Variants in IL27RA observed in about 807,000 individuals in gnomAD.
IL27RA encodes interleukin 27 receptor subunit alpha, also known as interleukin-27 receptor subunit alpha.
A neutral mutation model predicts 80.8 loss-of-function variants in IL27RA; 61 were observed. That is an observed-to-expected ratio of 0.76 (90% CI 0.61 to 0.93). The LOEUF is 0.93. Among genes scored for constraint, IL27RA ranks in the 40% least tolerant of loss-of-function variants. The pLI is 0.00. For synonymous variants in IL27RA, 316 were observed against 332.5 expected (o/e 0.95, Z 0.54); for missense variants, 735 against 808.1 (o/e 0.91, Z 1.10).
At chr19:14,039,481 A>G (rs199757563) in intron 2 of IL27RA, 27 bp from the exon 3 acceptor site, 116 of 1,595,062 alleles carry the variant, frequency 7.3e-5, no homozygotes, top group Admixed American at 1.7e-5. Context: ...CCGAGTGTGC[A>G]TCTCATCCCC....
rs1305193254 is a variant in IL27RA at position 14,053,038 on chromosome 19, G to C, written c.*748G>C. 1 of 152,286 alleles carries C rather than the reference G, an allele frequency of 6.6e-6. No individual in the cohort carries two copies. Among genetic ancestry groups the C allele is most frequent in the African/African-American group, 2.4e-5 (1 of 41,434 alleles). The allele number at this position is 152,286 out of a possible 1,614,324, so 9.4% of individuals were successfully genotyped here. On this transcript the variant is annotated 3_prime_UTR_variant, in exon 14 of 14. Coordinates refer to ENST00000263379, the MANE Select transcript of IL27RA (RefSeq NM_004843.4). ...AGTGACATATGCCAACACGGGGTCTGGGTGGGGGCTCCCCCACATCCTTTC... is the reference window on the plus strand; with the variant it reads ...AGTGACATATGCCAACACGGGGTCTCGGTGGGGGCTCCCCCACATCCTTTC...
At chr19:14,043,166 C>T (rs76944653) in intron 6 of IL27RA, among the ~76,000 whole-genome samples, 170 of 151,966 alleles carry the variant, frequency 1.1e-3, no homozygotes, top group Non-Finnish European at 2.1e-3. Flanking sequence ...AAACAAAACC[C>T]AATGACATAA....
At chr19:14,044,775 C>A (rs1409064265) in intron 6 of IL27RA, among the ~76,000 whole-genome samples, 1 of 151,520 alleles carries the variant, frequency 6.6e-6, no homozygotes, top group East Asian at 1.9e-4. Flanking sequence ...CACTTGAGGC[C>A]AGGAGTTCGA....
rs566677521 is a variant in IL27RA at position 14,035,045 on chromosome 19, A to AG, written c.218+2543dup. On this transcript the variant is annotated intron_variant, in intron 2 of 13. Transcript: ENST00000263379. ...GTCTTACTCCTGTTGCCCAGGCTGG[A>AG]GTGCAGTGGGGCAGTCAGTTCACTG... 1.6e-3 allele frequency among the ~76,000 whole-genome samples: 245 copies of AG among 151,778 alleles called. 1 individual carries two copies. Among genetic ancestry groups the AG allele is most frequent in the Admixed American group, 5.5e-3 (84 of 15,212 alleles).
intron 8 of IL27RA, among the ~76,000 whole-genome samples, chr19:14,047,096 T>G (rs1599302590): frequency 6.6e-6 from 1 of 151,228 alleles, no homozygotes; most frequent in Non-Finnish European, 1.5e-5. Context: ...CAGGCTAGAG[T>G]GCAATGGTGC....
At position 14,050,256 on chromosome 19, in the gene IL27RA, C is replaced by G. The variant is rs562774304; in HGVS notation, c.1403-502C>G. Among the ~76,000 whole-genome samples, 27 of 152,144 alleles carry G rather than the reference C, an allele frequency of 1.8e-4. No individual in the cohort carries two copies. The South Asian group carries it at 3.9e-3, about 22-fold the overall frequency. Reference sequence around the variant, plus strand: ...GTGGCTCACACCTATAATCCCAGCACTTTTGGAGGCCGAGGTGGGCAGATC... The same window carrying G: ...GTGGCTCACACCTATAATCCCAGCAGTTTTGGAGGCCGAGGTGGGCAGATC... On this transcript the variant is annotated intron_variant, in intron 10 of 13. Transcript: ENST00000263379.
At chr19:14,044,528 C>T (rs867369522) in intron 6 of IL27RA, among the ~76,000 whole-genome samples, 19 of 152,078 alleles carry the variant, frequency 1.2e-4, no homozygotes, top group Middle Eastern at 3.4e-3. Context: ...TGTGAGCCAC[C>T]GTGCCTGGCC....
chr19:14,051,019 C>A, intron 11 of IL27RA, 136 bp downstream of exon 11: 2 of 873,404 alleles, frequency 2.3e-6, no homozygotes, highest in Non-Finnish European at 3.3e-6. Context: ...GAGGCTGAGG[C>A]AGGTGGATCA....
At chr19:14,051,497 G>A (rs372702831) in intron 11 of IL27RA, 110 bp from the exon 12 acceptor site, 175 of 463,320 alleles carry the variant, frequency 3.8e-4, no homozygotes, top group African/African-American at 3.1e-3. Flanking sequence ...AGCTGAGGTC[G>A]CACCACTGCA....
Position 14,046,516 on chromosome 19 carries a change from G to A in IL27RA, c.1039G>A (p.Glu347Lys), listed in dbSNP as rs769082074. The change falls in exon 8 of 14, where the codon GAA (glutamate) becomes AAA (lysine). Residue 347 changes from glutamate (E) to lysine (K), a missense_variant. Coordinates refer to ENST00000263379, the MANE Select transcript of IL27RA (RefSeq NM_004843.4). ...GGTGACCTGGCAACCGGGGCCTGGG[G>A]AACCACTGGAGCATGTAGTGGACTG... ...LLVTWQPGPG[E>K]PLEHVVDWAR... 2 of 1,614,114 alleles carry A rather than the reference G, an allele frequency of 1.2e-6. No homozygotes were observed. Among genetic ancestry groups the A allele is most frequent in the Admixed American group, 1.7e-5 (1 of 60,000 alleles).
rs1452924328 is a variant in IL27RA at position 14,037,817 on chromosome 19, C to A, written c.219-1691C>A. 3.5e-5 allele frequency among the ~76,000 whole-genome samples: 4 copies of A among 113,126 alleles called. No homozygotes were observed. In the East Asian group the frequency reaches 1.2e-3, roughly 34 times the overall value. 74.2% of individuals were successfully genotyped at this position (113,126 alleles called of 152,430 possible). The stretch of plus-strand genomic sequence containing the variant: ...ACCAGTCTGGCCAACAGAGTGAGAC[C>A]CTCTCGCTCTCTCTCTCTTTTTTTT... On this transcript the variant is annotated intron_variant, in intron 2 of 13. Coordinates refer to ENST00000263379, the MANE Select transcript of IL27RA (RefSeq NM_004843.4).
At chr19:14,032,847 T>C (rs1208522388) in intron 2 of IL27RA, among the ~76,000 whole-genome samples, 1 of 144,752 alleles carries the variant, frequency 6.9e-6, no homozygotes, top group African/African-American at 2.5e-5. Context: ...GAAAAGAAAG[T>C]CCCAGGAGTC....
At position 14,046,316 on chromosome 19, in the gene IL27RA, A is replaced by G; in HGVS notation, c.931A>G (p.Asn311Asp). 5 of 1,613,888 alleles carry G rather than the reference A, an allele frequency of 3.1e-6. No homozygotes were observed. Among genetic ancestry groups the G allele is most frequent in the Non-Finnish European group, 3.4e-6 (4 of 1,179,904 alleles). Residue 311 changes from asparagine (N) to aspartate (D), a missense_variant, in exon 7 of 14, where the codon AAC (asparagine) becomes GAC (aspartate). Physicochemically the swap from Asn to Asp is conservative, Grantham distance 23. Transcript: ENST00000263379. ...VNATSWEPLT[N>D]LSLVCLDSAS... ...CGCCACAAGCTGGGAGCCTCTCACCAACCTCTCTTTGGTCTGCTTGGGTAA... is the reference window on the plus strand; with the variant it reads ...CGCCACAAGCTGGGAGCCTCTCACCGACCTCTCTTTGGTCTGCTTGGGTAA...
chr19:14,050,630 C>A, intron 10 of IL27RA, 128 bp from the exon 11 acceptor site: 2 of 987,946 alleles, frequency 2.0e-6, no homozygotes, highest in Non-Finnish European at 2.9e-6. Flanking sequence ...GAGCAAAGAC[C>A]TAAAAGAGAT....
chr19:14,033,919 G>C lies in IL27RA; in HGVS notation c.218+1416G>C, dbSNP rs193059190. On this transcript the variant is annotated intron_variant, in intron 2 of 13. Transcript: ENST00000263379. ...GTGGAGGTTGCAGTGAGCTGAGATCGCACCACTGCACTCCAGCCTGGCCGA... is the reference window on the plus strand; with the variant it reads ...GTGGAGGTTGCAGTGAGCTGAGATCCCACCACTGCACTCCAGCCTGGCCGA... 1.2e-3 allele frequency among the ~76,000 whole-genome samples: 177 copies of C among 152,042 alleles called. 5 individuals are homozygous for C. The East Asian group carries it at 0.031, about 26-fold the overall frequency.
chr19:14,037,148 C>A (rs72997477), intron 2 of IL27RA, among the ~76,000 whole-genome samples: 3,885 of 151,442 alleles, frequency 0.026, 59 homozygotes, highest in Non-Finnish European at 0.037. Flanking sequence ...TATTCTTGAT[C>A]CATACATCTG....
At chr19:14,033,023 C>G (rs897772611) in intron 2 of IL27RA, among the ~76,000 whole-genome samples, 3 of 150,450 alleles carry the variant, frequency 2.0e-5, no homozygotes, top group South Asian at 4.2e-4. Flanking sequence ...GTCATCCCAG[C>G]ATTTTGGGAG....
chr19:14,031,899 C>T lies in IL27RA; in HGVS notation c.27C>T (p.Phe9=), dbSNP rs773057097. Residue 9 remains phenylalanine, a synonymous_variant, in exon 1 of 14, where the codon TTC becomes TTT. Transcript: ENST00000263379. The stretch of plus-strand genomic sequence containing the variant: ...TGCGGGGAGGCAGGGGCGCCCCTTT[C>T]TGGCTGTGGCCGCTGCCCAAGCTGG... MRGGRGAP[F]WLWPLPKLAL... The T allele has an allele frequency of 3.1e-6, 5 of 1,605,200 alleles. No homozygotes were observed. The highest frequency in any genetic ancestry group is 4.2e-6 in the Non-Finnish European group (5 of 1,176,584).
intron 6 of IL27RA, among the ~76,000 whole-genome samples, chr19:14,043,715 CGCCTGGCCTGT>C (rs1976023454): frequency 6.6e-6 from 1 of 151,676 alleles, no homozygotes; most frequent in Non-Finnish European, 1.5e-5. Context: ...GGAGCCACCG[CGCCTGGCCTGT>C]GCTAAGAGTT....
Sources: allele counts gnomAD v4.1 joint callset (sites outside exome capture counted in the v4.1 genomes callset), GRCh38; gene constraint gnomAD v4.1.1; transcripts MANE v1.5; gene names NCBI Gene and HGNC (gene_info 2026-07-23, HGNC 2026-07-21).